Variants in EEFSEC observed in about 807,000 individuals in gnomAD.
The protein encoded by EEFSEC is selenocysteine-specific elongation factor.
EEFSEC carries 43 observed loss-of-function variants against 42.1 expected under a neutral mutation model. The observed-to-expected ratio is 1.02, with a 90% CI of 0.80 to 1.32. The LOEUF is 1.32. EEFSEC is among the 40% of genes most tolerant of loss of function. EEFSEC has a pLI of 0.00. For missense variants in EEFSEC, 745 were observed against 803.6 expected, an observed-to-expected ratio of 0.93 and a Z score of 0.88; for synonymous variants, 354 against 339.1, an observed-to-expected ratio of 1.04 and a Z score of -0.48.
the EEFSEC span, among the ~76,000 whole-genome samples, chr3:128,418,884 T>TCTGCCC: frequency 6.6e-6 from 1 of 152,204 alleles, no homozygotes; most frequent in Non-Finnish European, 1.5e-5. Flanking sequence ...GACCTCTGCC[T>TCTGCCC]CTGCCCCTGC....
intron 1 of EEFSEC, among the ~76,000 whole-genome samples, chr3:128,220,858 C>T (rs777857748): frequency 1.4e-4 from 21 of 152,332 alleles, no homozygotes; most frequent in Admixed American, 4.6e-4. Flanking sequence ...TGTGGCTGGG[C>T]GGTGGGACAG....
At chr3:128,344,064 C>T (rs2067285134) in intron 5 of EEFSEC, among the ~76,000 whole-genome samples, 1 of 152,252 alleles carries the variant, frequency 6.6e-6, no homozygotes, top group African/African-American at 2.4e-5. Context: ...GAGGAAAGGG[C>T]ATGGGTGCCC....
chr3:128,396,757 G>A (rs1356574185), intron 6 of EEFSEC, among the ~76,000 whole-genome samples: 1 of 152,244 alleles, frequency 6.6e-6, no homozygotes, highest in Admixed American at 6.5e-5. Context: ...GAGGTTTGCT[G>A]TTGTCTGTGG....
At chr3:128,296,384 C>T (rs1213583122) in intron 4 of EEFSEC, among the ~76,000 whole-genome samples, 2 of 152,092 alleles carry the variant, frequency 1.3e-5, no homozygotes, top group Non-Finnish European at 2.9e-5. Flanking sequence ...ATCCTGGCCA[C>T]CCATAAGCCT....
intron 4 of EEFSEC, among the ~76,000 whole-genome samples, chr3:128,304,211 A>T (rs879385010): frequency 1.1e-3 from 166 of 152,024 alleles, no homozygotes; most frequent in Non-Finnish European, 1.0e-3. Flanking sequence ...ATTGCCAAAA[A>T]ATAATTTTTG....
At position 128,341,225 on chromosome 3, in the gene EEFSEC, C is replaced by T. The variant is rs746116868; in HGVS notation, c.787-8C>T. 7 of 1,594,888 alleles carry T rather than the reference C, an allele frequency of 4.4e-6. No individual in the cohort carries two copies. The East Asian group carries it at 1.6e-4, about 36-fold the overall frequency. Reference sequence around the variant, plus strand: ...GTTTCATGTGCTCTCTTGCTTACTCCCCATCAGGTGGTGAAGAAGGTGAAG... The same window carrying T: ...GTTTCATGTGCTCTCTTGCTTACTCTCCATCAGGTGGTGAAGAAGGTGAAG... On this transcript the variant is annotated splice_polypyrimidine_tract_variant and splice_region_variant and intron_variant, in intron 4 of 6. Transcript: ENST00000254730.
intron 4 of EEFSEC, among the ~76,000 whole-genome samples, chr3:128,283,116 G>T (rs563294357): frequency 6.6e-6 from 1 of 152,360 alleles, no homozygotes; most frequent in South Asian, 2.1e-4. Context: ...GCCCTTTCAG[G>T]CACTGGCTTT....
At chr3:128,252,442 A>G (rs918437696) in intron 2 of EEFSEC, among the ~76,000 whole-genome samples, 3 of 152,212 alleles carry the variant, frequency 2.0e-5, no homozygotes, top group African/African-American at 7.2e-5. Flanking sequence ...CTGGCACACC[A>G]TGGATATGTA....
intron 1 of EEFSEC, among the ~76,000 whole-genome samples, chr3:128,243,508 G>A (rs2066095656): frequency 6.6e-6 from 1 of 152,204 alleles, no homozygotes; most frequent in Non-Finnish European, 1.5e-5. Context: ...GAAGAGGCAG[G>A]GATATGGACA....
chr3:128,272,955 T>C (rs990158211), intron 4 of EEFSEC, among the ~76,000 whole-genome samples: 2 of 152,186 alleles, frequency 1.3e-5, no homozygotes, highest in Non-Finnish European at 2.9e-5. Flanking sequence ...AGATGGACTA[T>C]GTTTGAGTCC....
At chr3:128,249,263 T>G (rs1262800301) in intron 2 of EEFSEC, among the ~76,000 whole-genome samples, 1 of 152,194 alleles carries the variant, frequency 6.6e-6, no homozygotes, top group Non-Finnish European at 1.5e-5. Flanking sequence ...GAAAGAAAAC[T>G]TGGAAAATAG....
chr3:128,398,166 G>C (rs2068004070), intron 6 of EEFSEC, among the ~76,000 whole-genome samples: 1 of 152,204 alleles, frequency 6.6e-6, no homozygotes, highest in Non-Finnish European at 1.5e-5. Flanking sequence ...GACTATCTCT[G>C]GGGGCATTGG....
chr3:128,321,531 C>G (rs1391943477), intron 4 of EEFSEC, among the ~76,000 whole-genome samples: 1 of 152,138 alleles, frequency 6.6e-6, no homozygotes, highest in African/African-American at 2.4e-5. Context: ...GGGGTGCATC[C>G]TGCTAGCTAG....
chr3:128,357,058 G>A, intron 5 of EEFSEC, among the ~76,000 whole-genome samples: 1 of 152,238 alleles, frequency 6.6e-6, no homozygotes, highest in East Asian at 1.9e-4. Context: ...GATGGTGTGT[G>A]CATTGCTCAT....
At chr3:128,365,603 T>G (rs1330220940) in intron 6 of EEFSEC, among the ~76,000 whole-genome samples, 1 of 152,152 alleles carries the variant, frequency 6.6e-6, no homozygotes, top group Non-Finnish European at 1.5e-5. Context: ...GCCCTTCCTC[T>G]TGGTGGGGTA....
intron 1 of EEFSEC, among the ~76,000 whole-genome samples, chr3:128,170,947 A>G (rs1049166307): frequency 6.6e-6 from 1 of 152,140 alleles, no homozygotes; most frequent in Admixed American, 6.5e-5. Context: ...CTTGAAATCT[A>G]TCTCATAAGG....
chr3:128,288,476 C>T (rs192163753), intron 4 of EEFSEC, among the ~76,000 whole-genome samples: 1 of 152,262 alleles, frequency 6.6e-6, no homozygotes, highest in East Asian at 1.9e-4. Context: ...GTGGGGTTTT[C>T]CTTGTTGTGA....
chr3:128,284,383 C>G (rs1179207541), intron 4 of EEFSEC, among the ~76,000 whole-genome samples: 1 of 151,760 alleles, frequency 6.6e-6, no homozygotes, highest in Admixed American at 6.6e-5. Context: ...AATGCATGAT[C>G]TGTTTGCTTC....
chr3:128,390,501 A>T (rs1338041476), intron 6 of EEFSEC, among the ~76,000 whole-genome samples: 5 of 152,196 alleles, frequency 3.3e-5, no homozygotes, highest in Non-Finnish European at 7.4e-5. Context: ...CAAATGAAAA[A>T]ACCTAACCCA....
Sources: allele counts gnomAD v4.1 joint callset (sites outside exome capture counted in the v4.1 genomes callset), GRCh38; gene constraint gnomAD v4.1.1; transcripts MANE v1.5; gene names NCBI Gene and HGNC (gene_info 2026-07-23, HGNC 2026-07-21).